The following TRIM33 variants were observed in gnomAD, a reference collection of about 807,000 sequenced individuals.
TRIM33 encodes E3 ubiquitin-protein ligase TRIM33.
A neutral mutation model predicts 125.4 loss-of-function variants in TRIM33; 20 were observed. The ratio of observed to expected loss-of-function variants is 0.16; its 90% CI spans 0.11 to 0.23. The LOEUF (loss-of-function observed/expected upper bound fraction) is 0.23, where lower values mean the gene tolerates loss of function less well. TRIM33 is among the 10% of genes least tolerant of loss of function. The pLI is 1.00. For synonymous variants in TRIM33, 564 were observed against 513.9 expected, an observed-to-expected ratio of 1.10 and a Z score of -1.32; for missense variants, 920 against 1,411.4, an observed-to-expected ratio of 0.65 and a Z score of 5.58.
intron 1 of TRIM33, among the ~76,000 whole-genome samples, chr1:114,483,329 C>T (rs1557893405): frequency 6.6e-6 from 1 of 151,810 alleles, no homozygotes; most frequent in Non-Finnish European, 1.5e-5. Context: ...TTTTACCAAA[C>T]TGACTCAAGA....
Position 114,405,467 on chromosome 1 carries a change from T to G in TRIM33, c.2711A>C (p.Lys904Thr). The change falls in exon 15 of 20, where the codon AAA becomes ACA. Residue 904 changes from lysine to threonine, a missense_variant. Lys to Thr is a moderately conservative substitution (Grantham distance 78, BLOSUM62 -1). This residue lies in a region of TRIM33 where 9 missense variants were observed against 56.2 expected (regional missense o/e 0.16). Transcript: ENST00000358465. ...AGTTAGATGAAAGACCTTTGGACAT[T>G]TTTCGCAGCACAAGAGATCTCCTCC... ...QNGGDLLCCEKCPKVFHLTCH... is the reference protein window; with the variant it reads ...QNGGDLLCCETCPKVFHLTCH... 1 of 1,614,170 alleles carries G rather than the reference T, an allele frequency of 6.2e-7. No homozygotes were observed. The highest frequency in any genetic ancestry group is 8.5e-7 in the Non-Finnish European group (1 of 1,180,018).
At chr1:114,462,895 TAACA>T (rs1015661370) in intron 4 of TRIM33, among the ~76,000 whole-genome samples, 3 of 152,216 alleles carry the variant, frequency 2.0e-5, no homozygotes, top group Admixed American at 6.5e-5. Context: ...TGATACATTT[TAACA>T]AACATTCATA....
At chr1:114,495,949 C>T (rs919610601) in intron 1 of TRIM33, among the ~76,000 whole-genome samples, 9 of 152,158 alleles carry the variant, frequency 5.9e-5, no homozygotes, top group African/African-American at 2.2e-4. Flanking sequence ...ACCTCTCCAG[C>T]GAGATTCAGT....
At chr1:114,493,190 T>C (rs947403785) in intron 1 of TRIM33, among the ~76,000 whole-genome samples, 4 of 152,230 alleles carry the variant, frequency 2.6e-5, no homozygotes, top group Non-Finnish European at 5.9e-5. Context: ...TGGCCATATA[T>C]ACATATCTTC....
intron 11 of TRIM33, chr1:114,420,260 C>A: frequency 2.1e-6 from 1 of 475,632 alleles, no homozygotes; most frequent in South Asian, 1.7e-5. Flanking sequence ...TGTTCTCCAT[C>A]ATTTCCCCCT....
intron 4 of TRIM33, among the ~76,000 whole-genome samples, chr1:114,442,889 A>G (rs1048477190): frequency 1.3e-5 from 2 of 151,940 alleles, no homozygotes; most frequent in African/African-American, 4.8e-5. Context: ...TTATCTAACT[A>G]GCCTGGAATA....
chr1:114,493,083 A>G (rs568018493), intron 1 of TRIM33, among the ~76,000 whole-genome samples: 1 of 152,318 alleles, frequency 6.6e-6, no homozygotes, highest in Admixed American at 6.5e-5. Flanking sequence ...TTTTTTAACT[A>G]GAGCCACCCT....
Position 114,510,726 on chromosome 1 carries a change from C to A in TRIM33, c.351G>T (p.Pro117=). ...PGPSAGPPPG[P]PASLLDTCAV... ...CGCAGGTGTCCAGGAGCGAGGCTGG[C>A]GGTCCAGGAGGCGGCCCTGCCGAGG... The change falls in exon 1 of 20, where the codon CCG becomes CCT. Residue 117 remains proline (P), a synonymous_variant. Transcript: ENST00000358465. 40 of 1,533,354 alleles carry A rather than the reference C, an allele frequency of 2.6e-5. No homozygotes were observed. Among genetic ancestry groups the A allele is most frequent in the Non-Finnish European group, 3.5e-5 (40 of 1,144,994 alleles). 95.0% of individuals were successfully genotyped at this position (1,533,354 alleles called of 1,614,324 possible). A position where few individuals can be genotyped will look rare whatever the true frequency, so the allele number is the denominator to read the frequency against.
At chr1:114,471,456 AAAG>A (rs1379239415) in intron 1 of TRIM33, among the ~76,000 whole-genome samples, 6 of 151,988 alleles carry the variant, frequency 3.9e-5, no homozygotes, top group African/African-American at 1.4e-4. Flanking sequence ...AAAAAAAAAA[AAAG>A]AAGTGCCCTG....
chr1:114,405,347 T>G, intron 15 of TRIM33, 63 bp downstream of exon 15: 3 of 1,312,948 alleles, frequency 2.3e-6, no homozygotes, highest in Non-Finnish European at 3.2e-6. Context: ...CCCTGAACAT[T>G]CTTCTGTTAT....
chr1:114,501,966 T>C (rs1479309480), intron 1 of TRIM33, among the ~76,000 whole-genome samples: 1 of 152,174 alleles, frequency 6.6e-6, no homozygotes, highest in African/African-American at 2.4e-5. Context: ...TTGAGTCAAA[T>C]GGCTAGGGAT....
intron 1 of TRIM33, among the ~76,000 whole-genome samples, chr1:114,465,289 T>G (rs1398741974): frequency 6.6e-6 from 1 of 152,116 alleles, no homozygotes; most frequent in African/African-American, 2.4e-5. Flanking sequence ...CACAACAAAC[T>G]GACTACATGT....
chr1:114,472,197 C>A (rs530066506), intron 1 of TRIM33, among the ~76,000 whole-genome samples: 52 of 152,202 alleles, frequency 3.4e-4, no homozygotes, highest in Non-Finnish European at 5.9e-4. Context: ...TGTAACCTGG[C>A]TGCAATTTTC....
chr1:114,510,831 C>T lies in TRIM33; in HGVS notation c.246G>A (p.Ala82=). 6.6e-7 allele frequency: 1 copy of T among 1,517,764 alleles called. No homozygotes were observed. Among genetic ancestry groups the T allele is most frequent in the South Asian group, 1.2e-5 (1 of 81,940 alleles). The allele number at this position is 1,517,764 out of a possible 1,614,324, so 94.0% of individuals were successfully genotyped here. A position where few individuals can be genotyped will look rare whatever the true frequency, so the allele number is the denominator to read the frequency against. ...SGSAQAASSP[A]ASVGTGVAGG... ...CGGCAACTCCAGTGCCCACTGAGGC[C>T]GCAGGAGATGAAGCAGCCTGGGCCG... Residue 82 remains alanine (A), a synonymous_variant, in exon 1 of 20, where the codon GCG becomes GCA. Transcript: ENST00000358465.
chr1:114,469,352 G>A (rs1650498570), intron 1 of TRIM33: 1 of 155,444 alleles, frequency 6.4e-6, no homozygotes, highest in Admixed American at 6.5e-5. Context: ...CATCAGAATG[G>A]ATATACTGTT....
At chr1:114,454,122 C>T (rs574533011) in intron 4 of TRIM33, among the ~76,000 whole-genome samples, 1 of 152,068 alleles carries the variant, frequency 6.6e-6, no homozygotes. Context: ...AAAGGAGTCT[C>T]GTGGATTACT....
chr1:114,405,542 T>A lies in TRIM33; in HGVS notation c.2636A>T (p.Asn879Ile). 1 of 1,614,230 alleles carries A rather than the reference T, an allele frequency of 6.2e-7. No homozygotes were observed. The highest frequency in any genetic ancestry group is 8.5e-7 in the Non-Finnish European group (1 of 1,180,024). ...TTCATTTGGGTCATCATCTTTATTG[T>A]TGCCATCTCCTCCAATCCTTGCCGA... ...HRSARIGGDG[N>I]NKDDDPNEDW... Residue 879 changes from asparagine to isoleucine, a missense_variant, in exon 15 of 20, where the codon AAC (asparagine) becomes ATC (isoleucine). Physicochemically the swap from Asn to Ile is moderately radical, Grantham distance 149 (BLOSUM62 -3). Around this residue, in one of 8 missense-constraint regions of TRIM33, gnomAD observed 407 missense variants for 589.7 expected, o/e 0.69. Coordinates refer to ENST00000358465, the MANE Select transcript of TRIM33 (RefSeq NM_015906.4).
At chr1:114,484,093 A>T (rs886892735) in intron 1 of TRIM33, among the ~76,000 whole-genome samples, 12 of 152,202 alleles carry the variant, frequency 7.9e-5, no homozygotes, top group Non-Finnish European at 4.4e-5. Flanking sequence ...AAATGTACAT[A>T]ACTGAGTTTG....
intron 6 of TRIM33, 118 bp from the exon 7 acceptor site, chr1:114,428,012 G>A (rs1647699924): frequency 2.0e-6 from 2 of 1,004,302 alleles, no homozygotes; most frequent in Non-Finnish European, 2.9e-6. Flanking sequence ...AAGTGAATAA[G>A]CTCCATGATT....
Sources: allele counts gnomAD v4.1 joint callset (sites outside exome capture counted in the v4.1 genomes callset), GRCh38; gene constraint gnomAD v4.1.1; regional missense constraint gnomAD v4.1.1; transcripts MANE v1.5; gene names NCBI Gene and HGNC (gene_info 2026-07-23, HGNC 2026-07-21).